The following ZNF695 variants were observed in gnomAD, a reference collection of about 807,000 sequenced individuals.
ZNF695 encodes the protein zinc finger protein SBZF3.
ZNF695 carries 11 observed loss-of-function variants against 11.2 expected under a neutral mutation model. That is an observed-to-expected ratio of 0.98 (90% confidence interval 0.62 to 1.62). The LOEUF is 1.62. ZNF695 is among the 40% of genes most tolerant of loss of function. The pLI, the probability that ZNF695 is intolerant of heterozygous loss-of-function variation, is 0.00. For missense variants in ZNF695, 559 were observed against 590.5 expected (o/e 0.95, Z 0.55); for synonymous variants, 190 against 201.4 (o/e 0.94, Z 0.48).
At chr1:246,994,454 T>C (rs1253978657) in intron 3 of ZNF695, among the ~76,000 whole-genome samples, 1 of 151,876 alleles carries the variant, frequency 6.6e-6, no homozygotes, top group Admixed American at 6.6e-5. Flanking sequence ...GGCAGGAGAA[T>C]CGCTTGAGCC....
At chr1:246,963,967 T>C (rs1221264555) in intron 5 of ZNF695, among the ~76,000 whole-genome samples, 1 of 152,186 alleles carries the variant, frequency 6.6e-6, no homozygotes, top group Non-Finnish European at 1.5e-5. Context: ...TTTGATAATT[T>C]GCTAGGATGG....
chr1:246,993,745 C>A (rs1191263835), intron 3 of ZNF695, among the ~76,000 whole-genome samples: 1 of 152,014 alleles, frequency 6.6e-6, no homozygotes, highest in East Asian at 1.9e-4. Context: ...AATAAGAACA[C>A]AGACAACTAA....
At chr1:246,988,280 T>C (rs1194438157) in intron 3 of ZNF695, 25 bp from the exon 4 acceptor site, 1 of 1,499,832 alleles carries the variant, frequency 6.7e-7, no homozygotes, top group Admixed American at 2.3e-5. Context: ...AACAACAAAT[T>C]ATTCCACTTA....
chr1:246,968,629 C>T (rs1668347485), intron 4 of ZNF695: 1 of 152,250 alleles, frequency 6.6e-6, no homozygotes, highest in Non-Finnish European at 1.5e-5. Context: ...AGTAGAGGTT[C>T]TCCACAAGGG....
At chr1:246,949,052 T>C (rs1667808097) in intron 5 of ZNF695, among the ~76,000 whole-genome samples, 1 of 152,182 alleles carries the variant, frequency 6.6e-6, no homozygotes, top group Admixed American at 6.6e-5. Flanking sequence ...ATTTGCATGA[T>C]ATTTAAGGAA....
intron 1 of ZNF695, among the ~76,000 whole-genome samples, chr1:247,001,731 A>G (rs906420935): frequency 4.0e-5 from 6 of 150,978 alleles, no homozygotes; most frequent in South Asian, 4.2e-4. Flanking sequence ...AAAAAAAAAA[A>G]AAAGAAACAA....
intron 3 of ZNF695, among the ~76,000 whole-genome samples, chr1:246,990,661 A>G (rs185106884): frequency 2.6e-5 from 4 of 152,370 alleles, no homozygotes; most frequent in Admixed American, 2.0e-4. Context: ...TGCAGAATAC[A>G]CATTGTTTTC....
At chr1:246,951,350 G>C (rs1398797970) in intron 5 of ZNF695, among the ~76,000 whole-genome samples, 1 of 152,190 alleles carries the variant, frequency 6.6e-6, no homozygotes, top group African/African-American at 2.4e-5. Flanking sequence ...AATCAGAAGG[G>C]AAAACAGACA....
At chr1:246,989,145 A>T (rs1265667930) in intron 3 of ZNF695, among the ~76,000 whole-genome samples, 1 of 150,100 alleles carries the variant, frequency 6.7e-6, no homozygotes, top group East Asian at 2.0e-4. Flanking sequence ...CATGCCTGTA[A>T]TCCTAGCTAC....
At chr1:246,990,403 A>G (rs61852607) in intron 3 of ZNF695, among the ~76,000 whole-genome samples, 13,479 of 152,262 alleles carry the variant, frequency 0.089, 814 homozygotes, top group Middle Eastern at 0.21. Flanking sequence ...GAAGAGTAAA[A>G]TCAGCAAGAG....
At chr1:246,994,790 T>C (rs1014030432) in intron 3 of ZNF695, among the ~76,000 whole-genome samples, 8 of 152,082 alleles carry the variant, frequency 5.3e-5, no homozygotes, top group Non-Finnish European at 1.0e-4. Context: ...TGAGCCAAGA[T>C]AGCCCCACTG....
chr1:247,007,844 AATTCCAACCG>A lies in ZNF695; in HGVS notation c.3+52_3+61del, dbSNP rs573783929. The A allele has an allele frequency of 4.0e-6, 6 of 1,495,350 alleles. No individual in the cohort carries two copies. In the African/African-American group the frequency reaches 5.7e-5, roughly 14 times the overall value. 92.6% of individuals were successfully genotyped at this position (1,495,350 alleles called of 1,614,324 possible). On this transcript the variant is annotated intron_variant, in intron 1 of 3. Coordinates refer to ENST00000339986, the MANE Select transcript of ZNF695 (RefSeq NM_020394.5). ...GGGGCCGCCAGCGCTGGTTCCAGCCAATTCCAACCGATTCCAACCACCCCCTCTCCCTTCT... is the reference window on the plus strand; with the variant it reads ...GGGGCCGCCAGCGCTGGTTCCAGCCAATTCCAACCACCCCCTCTCCCTTCT...
chr1:246,993,949 G>A (rs574387568), intron 3 of ZNF695, among the ~76,000 whole-genome samples: 13 of 151,608 alleles, frequency 8.6e-5, no homozygotes, highest in Admixed American at 2.0e-4. Flanking sequence ...CAACGTGGGC[G>A]GATCACTTGA....
At chr1:246,960,893 G>A (rs1213907795) in intron 5 of ZNF695, among the ~76,000 whole-genome samples, 2 of 152,250 alleles carry the variant, frequency 1.3e-5, no homozygotes, top group Non-Finnish European at 2.9e-5. Flanking sequence ...ACTCCAGCCT[G>A]GGTGGAGACC....
chr1:246,975,362 T>C (rs1482731474), intron 4 of ZNF695, among the ~76,000 whole-genome samples: 6 of 152,244 alleles, frequency 3.9e-5, no homozygotes, highest in African/African-American at 1.4e-4. Context: ...GTATTTTCCA[T>C]ATATTTATGT....
chr1:246,951,180 C>T (rs1337234736), intron 5 of ZNF695, among the ~76,000 whole-genome samples: 2 of 151,860 alleles, frequency 1.3e-5, no homozygotes, highest in African/African-American at 4.8e-5. Context: ...AGCCCTTGGG[C>T]CTGGACTCTT....
chr1:246,970,558 C>T (rs1005321993), intron 4 of ZNF695, among the ~76,000 whole-genome samples: 4 of 152,184 alleles, frequency 2.6e-5, no homozygotes, highest in African/African-American at 7.2e-5. Context: ...GGCATGAATA[C>T]TAATCTGGCA....
At chr1:246,962,454 A>G (rs1668185918) in intron 5 of ZNF695, among the ~76,000 whole-genome samples, 1 of 152,212 alleles carries the variant, frequency 6.6e-6, no homozygotes, top group African/African-American at 2.4e-5. Flanking sequence ...ACCACGTCAT[A>G]AAGATTTTAC....
intron 5 of ZNF695, among the ~76,000 whole-genome samples, chr1:246,950,284 A>G (rs1416734819): frequency 6.6e-6 from 1 of 152,188 alleles, no homozygotes; most frequent in Admixed American, 6.5e-5. Context: ...AAGGCCTCTC[A>G]AATGGTTTAA....
Sources: gnomAD v4.1 joint callset for allele counts (sites outside exome capture counted in the v4.1 genomes callset) on GRCh38, gnomAD v4.1.1 for gene constraint, MANE v1.5 for transcripts, NCBI Gene and HGNC (gene_info 2026-07-23, HGNC 2026-07-21) for gene names.